The following MTUS2 variants were observed in gnomAD, a reference collection of about 807,000 sequenced individuals.
MTUS2 encodes microtubule-associated tumor suppressor candidate 2.
A neutral mutation model predicts 114.1 loss-of-function variants in MTUS2; 40 were observed. The observed-to-expected ratio is 0.35, with a 90% CI of 0.27 to 0.46. MTUS2 has a LOEUF of 0.46. MTUS2 is among the 20% of genes least tolerant of loss of function. MTUS2 has a pLI of 1.00. For missense variants in MTUS2, 1,679 were observed against 1,705.4 expected, an observed-to-expected ratio of 0.98 and a Z score of 0.27; for synonymous variants, 688 against 672.0, an observed-to-expected ratio of 1.02 and a Z score of -0.37.
chr13:29,504,454 C>T lies in MTUS2; in HGVS notation c.*1248C>T, dbSNP rs1390522834. The T allele has an allele frequency of 1.7e-5, 4 of 232,302 alleles. No homozygotes were observed. Among genetic ancestry groups the T allele is most frequent in the Admixed American group, 5.6e-5 (1 of 17,738 alleles). 14.4% of individuals were successfully genotyped at this position (232,302 alleles called of 1,614,324 possible). On this transcript the variant is annotated 3_prime_UTR_variant, in exon 16 of 16. Transcript: ENST00000612955. ...TTCTGAGCTGTGCTAGATCATCACACGACCACCCAGAAACCCACTTGCACT... is the reference window on the plus strand; with the variant it reads ...TTCTGAGCTGTGCTAGATCATCACATGACCACCCAGAAACCCACTTGCACT...
intron 2 of MTUS2, among the ~76,000 whole-genome samples, chr13:28,987,280 AGG>A (rs974146749): frequency 1.3e-5 from 2 of 152,264 alleles, no homozygotes; most frequent in African/African-American, 4.8e-5. Flanking sequence ...AGACACACAG[AGG>A]GTGTGGACAG....
At chr13:29,386,530 C>T (rs1458369474) in intron 8 of MTUS2, among the ~76,000 whole-genome samples, 1 of 152,188 alleles carries the variant, frequency 6.6e-6, no homozygotes, top group Non-Finnish European at 1.5e-5. Context: ...CAGATTCTTG[C>T]TCCAGCTGGA....
At chr13:29,386,332 C>T (rs1160484328) in intron 8 of MTUS2, among the ~76,000 whole-genome samples, 2 of 152,122 alleles carry the variant, frequency 1.3e-5, no homozygotes, top group Non-Finnish European at 2.9e-5. Context: ...GGCGAAGGGT[C>T]AGGGGATGGA....
At chr13:29,488,089 T>C in intron 11 of MTUS2, 84 bp downstream of exon 11, 1 of 1,004,864 alleles carries the variant, frequency 1.0e-6, no homozygotes. Context: ...GAGCCCCCCT[T>C]CCTCTCTTGT....
chr13:29,259,227 C>A (rs1897382165), intron 5 of MTUS2, among the ~76,000 whole-genome samples: 1 of 152,184 alleles, frequency 6.6e-6, no homozygotes, highest in Admixed American at 6.5e-5. Context: ...GTCGGTCACC[C>A]TGCCCTGTGG....
At chr13:29,214,517 T>C (rs1398319160) in intron 5 of MTUS2, among the ~76,000 whole-genome samples, 2 of 152,238 alleles carry the variant, frequency 1.3e-5, no homozygotes, top group East Asian at 1.9e-4. Flanking sequence ...TTTCCGTGGT[T>C]AGTGCTTCCT....
At position 29,375,630 on chromosome 13, in the gene MTUS2, TATATATATAC is replaced by T. The variant is rs1404463097; in HGVS notation, c.3117+16159_3117+16168del. On this transcript the variant is annotated intron_variant, in intron 8 of 15. Coordinates refer to ENST00000612955, the MANE Select transcript of MTUS2 (RefSeq NM_001033602.4). ...ATACGTATATATATATATATATATA[TATATATATAC>T]ACACACCATGAAATACCACTCAGCT... 1.5e-3 allele frequency among the ~76,000 whole-genome samples: 11 copies of T among 7,220 alleles called. 1 individual carries two copies. Among genetic ancestry groups the T allele is most frequent in the African/African-American group, 2.2e-3 (11 of 4,966 alleles). The allele number at this position is 7,220 out of a possible 152,430, so 4.7% of individuals were successfully genotyped here.
At chr13:29,367,220 G>A (rs1870794613) in intron 8 of MTUS2, among the ~76,000 whole-genome samples, 1 of 152,060 alleles carries the variant, frequency 6.6e-6, no homozygotes, top group South Asian at 2.1e-4. Context: ...TGTGAAATGG[G>A]CCAAGGATCA....
rs148698997 is a variant in MTUS2 at position 28,920,606 on chromosome 13, G to T, written c.-243+80756G>T. Reference sequence around the variant, plus strand: ...TCCTATAGCTCTGTGATCAGCAGTTGATAAACCGAGCTGGGTTTGTGTCCC... The same window carrying T: ...TCCTATAGCTCTGTGATCAGCAGTTTATAAACCGAGCTGGGTTTGTGTCCC... On this transcript the variant is annotated intron_variant, in intron 2 of 15. Transcript: ENST00000612955. Among the ~76,000 whole-genome samples the T allele has an allele frequency of 7.9e-5, 12 of 152,312 alleles. No homozygotes were observed. In the East Asian group the frequency reaches 2.3e-3, roughly 29 times the overall value.
intron 2 of MTUS2, among the ~76,000 whole-genome samples, chr13:28,998,682 T>C (rs1885235847): frequency 6.6e-6 from 1 of 152,262 alleles, no homozygotes; most frequent in South Asian, 2.1e-4. Context: ...GTTGATCGCA[T>C]CGGTTACTGA....
In MTUS2 at chr13:29,321,486, A is replaced by G. The variant is rs1900252544; in HGVS notation, c.2807-3127A>G. On this transcript the variant is annotated intron_variant, in intron 6 of 15. Coordinates refer to ENST00000612955, the MANE Select transcript of MTUS2 (RefSeq NM_001033602.4). ...TCTGTAATTATCTGTGCTATCAAGA[A>G]TTCCCAGACCATACAAGAGTTCTCC... Among the ~76,000 whole-genome samples the G allele has an allele frequency of 2.0e-5, 3 of 152,238 alleles. No individual in the cohort carries two copies. In the South Asian group the frequency reaches 6.2e-4, roughly 32 times the overall value.
At chr13:29,100,671 G>A in intron 4 of MTUS2, 102 bp from the exon 5 acceptor site, 1 of 1,314,940 alleles carries the variant, frequency 7.6e-7, no homozygotes, top group South Asian at 1.4e-5. Flanking sequence ...ATTAATTTTA[G>A]TCTGTTTATG....
At chr13:29,157,363 C>T (rs1190238602) in intron 5 of MTUS2, among the ~76,000 whole-genome samples, 2 of 152,202 alleles carry the variant, frequency 1.3e-5, no homozygotes, top group Non-Finnish European at 2.9e-5. Context: ...CACATACTCA[C>T]CAGCCCTTGG....
chr13:29,317,779 T>C (rs1900067821), intron 6 of MTUS2, among the ~76,000 whole-genome samples: 1 of 152,240 alleles, frequency 6.6e-6, no homozygotes, highest in African/African-American at 2.4e-5. Context: ...CCTCTTTTAT[T>C]TGATATATTC....
intron 7 of MTUS2, among the ~76,000 whole-genome samples, chr13:29,335,267 G>A (rs1034367429): frequency 1.3e-5 from 2 of 151,938 alleles, no homozygotes; most frequent in East Asian, 1.9e-4. Flanking sequence ...AATAAGCCCC[G>A]GTCTCCCATA....
At chr13:29,036,880 C>T (rs548980190) in intron 4 of MTUS2, among the ~76,000 whole-genome samples, 2 of 150,738 alleles carry the variant, frequency 1.3e-5, no homozygotes, top group Middle Eastern at 6.9e-3. Context: ...TCCTCTGTCC[C>T]TTTATTTTGG....
intron 7 of MTUS2, among the ~76,000 whole-genome samples, chr13:29,327,909 T>C (rs1244337736): frequency 1.4e-5 from 2 of 143,906 alleles, no homozygotes; most frequent in Non-Finnish European, 3.1e-5. Flanking sequence ...ATAATCAGTC[T>C]TTTTTTATAG....
At chr13:28,844,906 C>T (rs907859657) in intron 2 of MTUS2, among the ~76,000 whole-genome samples, 1 of 152,152 alleles carries the variant, frequency 6.6e-6, no homozygotes, top group Non-Finnish European at 1.5e-5. Flanking sequence ...CATGAGCCAC[C>T]ATGCCTGGCC....
At chr13:29,211,810 C>T (rs140838742) in intron 5 of MTUS2, among the ~76,000 whole-genome samples, 2 of 151,464 alleles carry the variant, frequency 1.3e-5, no homozygotes, top group East Asian at 1.9e-4. Flanking sequence ...TCATGGAGCC[C>T]GCAGCAACAA....
Sources: gnomAD v4.1 joint callset for allele counts (sites outside exome capture counted in the v4.1 genomes callset) on GRCh38, gnomAD v4.1.1 for gene constraint, MANE v1.5 for transcripts, NCBI Gene and HGNC (gene_info 2026-07-23, HGNC 2026-07-21) for gene names.